The following PDZD7 variants were observed in gnomAD, a reference collection of about 807,000 sequenced individuals.
PDZD7 encodes PDZ domain-containing protein 7.
A neutral mutation model predicts 84.7 loss-of-function variants in PDZD7; 72 were observed. The ratio of observed to expected loss-of-function variants is 0.85; its 90% CI spans 0.70 to 1.03. PDZD7 has a LOEUF of 1.03. PDZD7 is among the 50% of genes least tolerant of loss of function. PDZD7 has a pLI of 0.00. For missense variants in PDZD7, 1,490 were observed against 1,412.9 expected, an observed-to-expected ratio of 1.05 and a Z score of -0.87; for synonymous variants, 594 against 580.7, an observed-to-expected ratio of 1.02 and a Z score of -0.33.
At chr10:101,018,685 A>G (rs1233937515) in intron 8 of PDZD7, 137 bp downstream of exon 8, 5 of 1,162,368 alleles carry the variant, frequency 4.3e-6, no homozygotes, top group African/African-American at 3.1e-5. Flanking sequence ...GCAGGGTCTG[A>G]GCAGCCTGGA....
intron 2 of PDZD7, among the ~76,000 whole-genome samples, chr10:101,024,363 C>G (rs1290345900): frequency 6.6e-6 from 1 of 152,152 alleles, no homozygotes. Context: ...CCTGCCTCAG[C>G]CTTCCAAGTA....
At position 101,011,686 on chromosome 10, in the gene PDZD7, T is replaced by A; in HGVS notation, c.2005+4A>T. On this transcript the variant is annotated splice_donor_region_variant and intron_variant, in intron 14 of 16. Transcript: ENST00000619208. ...CCTCCCTGGGCTCTGGGACTCTGAC[T>A]GACCAGGCACGGGGGTGATAAGGTG... 2.0e-6 allele frequency: 3 copies of A among 1,537,950 alleles called. No individual in the cohort carries two copies. Among genetic ancestry groups the A allele is most frequent in the Non-Finnish European group, 2.6e-6 (3 of 1,146,750 alleles).
chr10:101,029,917 C>A (rs1202531065), intron 2 of PDZD7, 77 bp downstream of exon 2: 4 of 1,447,768 alleles, frequency 2.8e-6, no homozygotes, highest in Non-Finnish European at 3.8e-6. Context: ...ACTGGCTCTG[C>A]CTCCTCCTGC....
Position 101,009,272 on chromosome 10 carries a change from G to A in PDZD7, c.2696C>T (p.Ala899Val), listed in dbSNP as rs1852314232. 1.3e-6 allele frequency: 2 copies of A among 1,535,840 alleles called. No individual in the cohort carries two copies. Among genetic ancestry groups the A allele is most frequent in the Non-Finnish European group, 1.7e-6 (2 of 1,146,800 alleles). Residue 899 changes from alanine (A) to valine (V), a missense_variant, in exon 16 of 17, where the codon GCT becomes GTT. Physicochemically the swap from Ala to Val is moderately conservative, Grantham distance 64. Transcript: ENST00000619208. ...CACCTGCAGGGCCCCACTGAGGAAA[G>A]CGGCCCCCCCAGGGAAGATCTTCTC... ...KIEKIFPGGA[A>V]FLSGALQAGF...
chr10:101,009,896 C>T (rs1240658889), intron 15 of PDZD7, among the ~76,000 whole-genome samples: 6 of 150,530 alleles, frequency 4.0e-5, no homozygotes, highest in Admixed American at 2.6e-4. Context: ...CGTGAGCCAC[C>T]GCGCCCGGCT....
chr10:101,011,988 G>C lies in PDZD7; in HGVS notation c.1870C>G (p.Arg624Gly). ...ACAAGCATCACCATGCTGTCGAAGC[G>C]GCCCAGGTCTGTGGGGGCCACCACA... ...RSVVAPTDLGRFDSMVMLVEL... is the reference protein window; with the variant it reads ...RSVVAPTDLGGFDSMVMLVEL... Residue 624 changes from arginine to glycine, a missense_variant, in exon 13 of 17, where the codon CGC (arginine) becomes GGC (glycine). Physicochemically the swap from Arg to Gly is moderately radical, Grantham distance 125. Transcript: ENST00000619208. 2 of 1,550,520 alleles carry C rather than the reference G, an allele frequency of 1.3e-6. No homozygotes were observed. The highest frequency in any genetic ancestry group is 1.7e-6 in the Non-Finnish European group (2 of 1,146,988).
rs533299957 is a variant in PDZD7 at position 101,015,669 on chromosome 10, G to C, written c.1716C>G (p.Asp572Glu). The change falls in exon 11 of 17, where the codon GAC becomes GAG. Residue 572 changes from aspartate to glutamate, a missense_variant. By Grantham distance (45) the Asp-to-Glu change is conservative. Transcript: ENST00000619208. The part of the protein sequence containing the change: ...QDLAQRLLTD[D>E]EVLAVTRHCS... ...AGTGGCGGGTGACAGCCAGCACCTCGTCATCAGTCAGCAGCCTCTGGGCCA... is the reference window on the plus strand; with the variant it reads ...AGTGGCGGGTGACAGCCAGCACCTCCTCATCAGTCAGCAGCCTCTGGGCCA... 3.9e-6 allele frequency: 6 copies of C among 1,550,366 alleles called. No individual in the cohort carries two copies. Among genetic ancestry groups the C allele is most frequent in the Non-Finnish European group, 5.2e-6 (6 of 1,146,932 alleles).
chr10:101,009,300 T>C lies in PDZD7; in HGVS notation c.2668A>G (p.Ile890Val), dbSNP rs766708033. Residue 890 changes from isoleucine to valine, a missense_variant, in exon 16 of 17, where the codon ATA becomes GTA. Ile to Val is a conservative substitution (Grantham distance 29). Coordinates refer to ENST00000619208, the MANE Select transcript of PDZD7 (RefSeq NM_001195263.2). ...IESKVQPMVK[I>V]EKIFPGGAAF... is the part of the protein sequence containing the mutation. ...GCCCCCCCAGGGAAGATCTTCTCTA[T>C]CTTCACCATGGGCTGCACCTTGGAC... 1 of 1,536,036 alleles carries C rather than the reference T, an allele frequency of 6.5e-7. No individual in the cohort carries two copies. The highest frequency in any genetic ancestry group is 1.2e-5 in the South Asian group (1 of 84,064).
chr10:101,011,366 C>G, intron 14 of PDZD7: 1 of 528,070 alleles, frequency 1.9e-6, no homozygotes. Context: ...ATGCTTCCTG[C>G]TGGAATCGTT....
Position 101,010,261 on chromosome 10 carries a change from C to A in PDZD7, c.2617+11G>T, listed in dbSNP as rs1382819438. 1.3e-6 allele frequency: 2 copies of A among 1,511,764 alleles called. No individual in the cohort carries two copies. The highest frequency in any genetic ancestry group is 2.4e-5 in the South Asian group (2 of 83,216). The allele number at this position is 1,511,764 out of a possible 1,614,324, so 93.6% of individuals were successfully genotyped here. On this transcript the variant is annotated intron_variant, in intron 15 of 16. Coordinates refer to ENST00000619208, the MANE Select transcript of PDZD7 (RefSeq NM_001195263.2). ...GTGTCCTCTGCCGGGCCCAGTCCCA[C>A]GTGGACTCACCTAAGGACTGCTTCA... is the stretch of plus-strand genomic sequence containing the variant.
Position 101,011,963 on chromosome 10 carries a change from A to G in PDZD7, c.1895T>C (p.Val632Ala). The change falls in exon 13 of 17, where the codon GTG (valine) becomes GCG (alanine). Residue 632 changes from valine (V) to alanine (A), a missense_variant. Coordinates refer to ENST00000619208, the MANE Select transcript of PDZD7 (RefSeq NM_001195263.2). The part of the protein sequence containing the change: ...LGRFDSMVML[V>A]ELEAFEALKS... ...GAGGGCCTCAAAAGCCTCCAGCTCC[A>G]CAAGCATCACCATGCTGTCGAAGCG... is the stretch of plus-strand genomic sequence containing the variant. 6.5e-7 allele frequency: 1 copy of G among 1,550,386 alleles called. No homozygotes were observed. Among genetic ancestry groups the G allele is most frequent in the East Asian group, 2.4e-5 (1 of 40,912 alleles).
intron 2 of PDZD7, among the ~76,000 whole-genome samples, chr10:101,028,852 G>C (rs900963670): frequency 4.6e-5 from 7 of 152,202 alleles, no homozygotes; most frequent in African/African-American, 1.7e-4. Flanking sequence ...GTGCTCACCA[G>C]AGGGTGAAGC....
chr10:101,014,503 A>G (rs551062761), intron 11 of PDZD7, among the ~76,000 whole-genome samples: 1 of 152,274 alleles, frequency 6.6e-6, no homozygotes, highest in South Asian at 2.1e-4. Flanking sequence ...AGGCTGGTAC[A>G]CGCTGCCCTA....
In PDZD7 at chr10:101,030,040, G is replaced by A. The variant is rs1457264306; in HGVS notation, c.180C>T (p.Ala60=). Residue 60 remains alanine (A), a synonymous_variant, in exon 2 of 17, where the codon GCC becomes GCT. Coordinates refer to ENST00000619208, the MANE Select transcript of PDZD7 (RefSeq NM_001195263.2). Reference sequence around the variant, plus strand: ...GGATGACGCGTCCCATGGGCGATGAGGCTCGGATTCCGCGGGGGGGCCCGT... The same window carrying A: ...GGATGACGCGTCCCATGGGCGATGAAGCTCGGATTCCGCGGGGGGGCCCGT... ...LLNGPPRGIR[A]SSPMGRVILI... 6.2e-7 allele frequency: 1 copy of A among 1,613,884 alleles called. No individual in the cohort carries two copies. The highest frequency in any genetic ancestry group is 8.5e-7 in the Non-Finnish European group (1 of 1,179,982).
Position 101,010,756 on chromosome 10 carries a change from AT to A in PDZD7, c.2132del (p.His711LeufsTer12). 6.8e-7 allele frequency: 1 copy of A among 1,480,884 alleles called. No homozygotes were observed. Among genetic ancestry groups the A allele is most frequent in the South Asian group, 1.2e-5 (1 of 83,064 alleles). The allele number at this position is 1,480,884 out of a possible 1,614,324, so 91.7% of individuals were successfully genotyped here. ...SPSASAPRHPHKGIPPLQDVP... is the reference protein window; with the variant it reads ...SPSASAPRHPXKGIPPLQDVP... The stretch of plus-strand genomic sequence containing the variant: ...CGTCTTGTAGAGGGGGGATCCCTTT[AT>A]GGGGGTGGCGAGGGGCAGAGGCACT... On this transcript the variant is annotated frameshift_variant, in exon 15 of 17. Coordinates refer to ENST00000619208, the MANE Select transcript of PDZD7 (RefSeq NM_001195263.2). LOFTEE classifies it high-confidence loss of function.
chr10:101,012,974 A>G (rs1258142497), intron 11 of PDZD7, among the ~76,000 whole-genome samples: 1 of 152,246 alleles, frequency 6.6e-6, no homozygotes, highest in Non-Finnish European at 1.5e-5. Context: ...ACTGGGAGCC[A>G]TCCCATTTGG....
At chr10:101,020,804 C>T (rs1341853096) in intron 6 of PDZD7, 126 bp from the exon 7 acceptor site, 1 of 735,248 alleles carries the variant, frequency 1.4e-6, no homozygotes, top group Non-Finnish European at 2.4e-6. Flanking sequence ...ATTCATCATG[C>T]TCTGGCCGCA....
intron 2 of PDZD7, among the ~76,000 whole-genome samples, chr10:101,025,416 G>C (rs987229758): frequency 1.3e-5 from 2 of 151,826 alleles, no homozygotes; most frequent in African/African-American, 4.8e-5. Context: ...CACCATATTG[G>C]CCAGGCTGGT....
chr10:101,030,107 G>T lies in PDZD7; in HGVS notation c.113C>A (p.Thr38Asn), dbSNP rs1186448236. The change falls in exon 2 of 17, where the codon ACC becomes AAC. Residue 38 changes from threonine to asparagine, a missense_variant. Coordinates refer to ENST00000619208, the MANE Select transcript of PDZD7 (RefSeq NM_001195263.2). ...RGHLGSDSGS[T>N]ATRYLLRKQQ... Reference sequence around the variant, plus strand: ...CTTCCTTAGCAGGTATCGCGTTGCGGTGGAGCCTGAGTCGCTGCCTAGGTG... The same window carrying T: ...CTTCCTTAGCAGGTATCGCGTTGCGTTGGAGCCTGAGTCGCTGCCTAGGTG... 1 of 1,614,102 alleles carries T rather than the reference G, an allele frequency of 6.2e-7. No individual in the cohort carries two copies. The highest frequency in any genetic ancestry group is 8.5e-7 in the Non-Finnish European group (1 of 1,180,052).
Sources: allele counts gnomAD v4.1 joint callset (sites outside exome capture counted in the v4.1 genomes callset), GRCh38; gene constraint gnomAD v4.1.1; transcripts MANE v1.5; gene names NCBI Gene and HGNC (gene_info 2026-07-23, HGNC 2026-07-21).